Variants in PTGR3 observed in about 807,000 individuals in gnomAD.
PTGR3 encodes the protein prostaglandin reductase 3.
chr18:75,208,869 C>T, the PTGR3 span: 4 of 1,525,722 alleles, frequency 2.6e-6, no homozygotes, highest in Non-Finnish European at 3.5e-6. Flanking sequence ...ACGAGGAGGT[C>T]TCCGTCCCCG....
the PTGR3 span, among the ~76,000 whole-genome samples, chr18:75,206,155 G>C: frequency 3.7e-4 from 56 of 152,134 alleles, no homozygotes; most frequent in African/African-American, 1.3e-3. Context: ...ACTGGATAAA[G>C]GACCATCAAT....
the PTGR3 span, among the ~76,000 whole-genome samples, chr18:75,205,984 G>C: frequency 6.6e-6 from 1 of 152,062 alleles, no homozygotes; most frequent in Admixed American, 6.5e-5. Context: ...GAAATATTTG[G>C]AAACGAAATA....
At chr18:75,198,006 A>G in the PTGR3 span, 245 of 152,346 alleles carry the variant, frequency 1.6e-3, 1 homozygote, top group African/African-American at 5.7e-3. Flanking sequence ...GTAATCAAGA[A>G]AGATATTTTC....
chr18:75,202,283 T>G, the PTGR3 span: 1 of 1,614,090 alleles, frequency 6.2e-7, no homozygotes, highest in Non-Finnish European at 8.5e-7. Flanking sequence ...GAGGCTTAAC[T>G]GAGGGGTCAT....
At chr18:75,201,208 T>C in the PTGR3 span, 1 of 557,472 alleles carries the variant, frequency 1.8e-6, no homozygotes, top group Non-Finnish European at 3.2e-6. Flanking sequence ...CTCTTAGCCA[T>C]GGAGGGAAGT....
the PTGR3 span, among the ~76,000 whole-genome samples, chr18:75,206,012 G>GA: frequency 1.1e-4 from 16 of 152,128 alleles, no homozygotes; most frequent in South Asian, 2.1e-4. Flanking sequence ...ACCTTCTTAC[G>GA]AAAAAAGCTG....
the PTGR3 span, among the ~76,000 whole-genome samples, chr18:75,204,159 G>T: frequency 6.6e-6 from 1 of 152,236 alleles, no homozygotes; most frequent in East Asian, 1.9e-4. Flanking sequence ...ACCCCGCCTT[G>T]GGGGGACACC....
chr18:75,209,131 C>T, the PTGR3 span: 1 of 1,276,358 alleles, frequency 7.8e-7, no homozygotes, highest in East Asian at 3.3e-5. The surrounding 1 kb of genome is among the most constrained non-coding windows in gnomAD (Gnocchi z 4.7). Flanking sequence ...CTCGGCTCGG[C>T]TGTGCTCTGC....
chr18:75,201,214 G>A, the PTGR3 span: 4 of 563,930 alleles, frequency 7.1e-6, no homozygotes, highest in Non-Finnish European at 3.1e-6. Flanking sequence ...GCCATGGAGG[G>A]AAGTTTTATT....
the PTGR3 span, among the ~76,000 whole-genome samples, chr18:75,203,638 T>C: frequency 6.6e-6 from 1 of 152,098 alleles, no homozygotes; most frequent in Non-Finnish European, 1.5e-5. Flanking sequence ...ACAGCCTCAA[T>C]AACACCCCAC....
chr18:75,200,524 G>A, the PTGR3 span: 2 of 152,210 alleles, frequency 1.3e-5, no homozygotes, highest in African/African-American at 2.4e-5. Flanking sequence ...CGTACCTCGA[G>A]CAGTGTAGCA....
chr18:75,203,437 A>T, the PTGR3 span, among the ~76,000 whole-genome samples: 2 of 152,230 alleles, frequency 1.3e-5, no homozygotes, highest in African/African-American at 4.8e-5. Context: ...TAACTTAATA[A>T]GCCAAAACTG....
chr18:75,208,006 C>T, the PTGR3 span, among the ~76,000 whole-genome samples: 1 of 152,222 alleles, frequency 6.6e-6, no homozygotes, highest in African/African-American at 2.4e-5. Context: ...GGAGCAAAGA[C>T]CTAAGCGGGC....
the PTGR3 span, chr18:75,208,597 C>G: frequency 1.1e-6 from 1 of 946,048 alleles, no homozygotes; most frequent in Non-Finnish European, 1.3e-6. Context: ...AGGGGAATCC[C>G]AAATTAAAAT....
chr18:75,201,567 A>G, the PTGR3 span: 1 of 1,614,144 alleles, frequency 6.2e-7, no homozygotes, highest in Non-Finnish European at 8.5e-7. Flanking sequence ...CTCACAAACC[A>G]GGTCTCCGCT....
chr18:75,208,921 G>T, the PTGR3 span: 1 of 1,581,976 alleles, frequency 6.3e-7, no homozygotes, highest in Non-Finnish European at 8.6e-7. Context: ...TGACGGCCTC[G>T]CGGAAGTTGG....
At chr18:75,202,367 G>A in the PTGR3 span, 699 of 1,583,866 alleles carry the variant, frequency 4.4e-4, 1 homozygote, top group Admixed American at 2.7e-3. Context: ...AAACAAATAT[G>A]TTACGATGGG....
At chr18:75,204,330 G>A in the PTGR3 span, among the ~76,000 whole-genome samples, 2 of 152,256 alleles carry the variant, frequency 1.3e-5, no homozygotes, top group Non-Finnish European at 2.9e-5. Context: ...GACGCACACC[G>A]GAGCAGCCTG....
At chr18:75,205,542 T>C in the PTGR3 span, 12 of 963,418 alleles carry the variant, frequency 1.2e-5, no homozygotes. Context: ...CCAGCTTATA[T>C]GTACTTAAAA....
Sources: gnomAD v4.1 joint callset for allele counts (sites outside exome capture counted in the v4.1 genomes callset) on GRCh38, gnomAD v4.1.1 for gene constraint, Gnocchi (gnomAD v3.1) non-coding constraint, MANE v1.5 for transcripts, NCBI Gene and HGNC (gene_info 2026-07-23, HGNC 2026-07-21) for gene names.